The following SHROOM3 variants were observed in gnomAD, a reference collection of about 807,000 sequenced individuals.
SHROOM3 encodes protein Shroom3.
SHROOM3 carries 47 observed loss-of-function variants against 138.6 expected under a neutral mutation model. The observed-to-expected ratio is 0.34, with a 90% CI of 0.27 to 0.43. The LOEUF is 0.43. SHROOM3 is among the 20% of genes least tolerant of loss of function. SHROOM3 has a pLI of 1.00. For synonymous variants in SHROOM3, 1,062 were observed against 1,063.3 expected (o/e 1.00, Z 0.02); for missense variants, 2,491 against 2,596.5 (o/e 0.96, Z 0.88).
rs544503126 is a variant in SHROOM3, at chr4:76,781,321, G to T, written c.*2144G>T. The T allele has an allele frequency of 1.3e-5, 2 of 152,204 alleles. No homozygotes were observed. Among genetic ancestry groups the T allele is most frequent in the Non-Finnish European group, 2.9e-5 (2 of 68,030 alleles). 9.4% of individuals were successfully genotyped at this position (152,204 alleles called of 1,614,324 possible). On this transcript the variant is annotated 3_prime_UTR_variant, in exon 11 of 11. Coordinates refer to ENST00000296043, the MANE Select transcript of SHROOM3 (RefSeq NM_020859.4). ...TTTTTGATTTTTTATAGAGACGGGG[G>T]TCTCGCTATGTTGCCCAGGCTGGTT...
intron 2 of SHROOM3, among the ~76,000 whole-genome samples, chr4:76,562,023 CA>C (rs955274719): frequency 2.6e-4 from 39 of 151,490 alleles, no homozygotes; most frequent in African/African-American, 9.4e-4. Flanking sequence ...AAAAACAAAA[CA>C]AAAAAAACCC....
intron 1 of SHROOM3, among the ~76,000 whole-genome samples, chr4:76,547,932 A>AACACACACACGC (rs1733259251): frequency 6.8e-6 from 1 of 146,074 alleles, no homozygotes; most frequent in Non-Finnish European, 1.5e-5. Context: ...CCTGTCTCAA[A>AACACACACACGC]ACACACACAC....
intron 8 of SHROOM3, among the ~76,000 whole-genome samples, chr4:76,758,986 T>G (rs1468168691): frequency 6.6e-6 from 1 of 152,178 alleles, no homozygotes. Flanking sequence ...ATATCTTGTA[T>G]TAGTTCACTG....
At chr4:76,615,478 C>T (rs1209975027) in intron 2 of SHROOM3, among the ~76,000 whole-genome samples, 2 of 152,142 alleles carry the variant, frequency 1.3e-5, no homozygotes, top group African/African-American at 2.4e-5. Context: ...TGTGCCTCTC[C>T]CCATTTATCA....
intron 2 of SHROOM3, among the ~76,000 whole-genome samples, chr4:76,626,394 CA>C (rs555173910): frequency 9.9e-4 from 150 of 152,204 alleles, no homozygotes; most frequent in Non-Finnish European, 1.9e-3. Context: ...ACATTTCCAC[CA>C]AAAAGGCAGC....
chr4:76,528,950 C>T (rs1333274051), intron 1 of SHROOM3, among the ~76,000 whole-genome samples: 5 of 152,138 alleles, frequency 3.3e-5, no homozygotes, highest in Admixed American at 6.5e-5. Context: ...GCAACTGTGA[C>T]GTCTTCCTTG....
At chr4:76,537,334 G>T (rs1260588405) in intron 1 of SHROOM3, among the ~76,000 whole-genome samples, 2 of 152,158 alleles carry the variant, frequency 1.3e-5, no homozygotes, top group African/African-American at 4.8e-5. Flanking sequence ...ATCCAGAGGG[G>T]CAGAGTGTAT....
rs190892771 is a variant in SHROOM3 at position 76,754,417 on chromosome 4, G to A, written c.3934G>A (p.Val1312Ile). 1.3e-4 allele frequency: 215 copies of A among 1,614,074 alleles called. 2 individuals are homozygous for A. The Admixed American group carries it at 2.3e-3, about 17-fold the overall frequency. ...CTGCAAAGCCATTGGTGATTCCTCC[G>A]TTCCTAGTGAATGTCCTGGAACCCT... ...SGCKAIGDSS[V>I]PSECPGTLDH... The change falls in exon 7 of 11, where the codon GTT becomes ATT. Residue 1312 changes from valine (V) to isoleucine (I), a missense_variant. By Grantham distance (29) the Val-to-Ile change is conservative. Coordinates refer to ENST00000296043, the MANE Select transcript of SHROOM3 (RefSeq NM_020859.4).
chr4:76,572,868 G>T (rs1733859882), intron 2 of SHROOM3, among the ~76,000 whole-genome samples: 1 of 152,114 alleles, frequency 6.6e-6, no homozygotes, highest in Non-Finnish European at 1.5e-5. Flanking sequence ...ATCACTTGAG[G>T]TCAGGAGTTC....
chr4:76,644,285 CTTGT>C (rs1735759872), intron 2 of SHROOM3: 1 of 135,516 alleles, frequency 7.4e-6, no homozygotes, highest in Admixed American at 7.6e-5. Flanking sequence ...AGTTTTTGCT[CTTGT>C]TGCCCAGGCT....
At chr4:76,748,814 CTTTTTTTTTTTTTTTT>C (rs34047499) in intron 5 of SHROOM3, among the ~76,000 whole-genome samples, 187 bp from the exon 6 acceptor site, 1 of 100,574 alleles carries the variant, frequency 9.9e-6, no homozygotes, top group Non-Finnish European at 1.9e-5. Context: ...TCTGACTCTG[CTTTTTTTTTTTTTTTT>C]TTTTTTTAAA....
chr4:76,756,586 C>T lies in SHROOM3; in HGVS notation c.4847C>T (p.Ser1616Phe), dbSNP rs1560617214. The T allele has an allele frequency of 6.2e-7, 1 of 1,613,728 alleles. No homozygotes were observed. The highest frequency in any genetic ancestry group is 1.3e-5 in the African/African-American group (1 of 74,888). Residue 1616 changes from serine (S) to phenylalanine (F), a missense_variant, in exon 8 of 11, where the codon TCC (serine) becomes TTC (phenylalanine). Ser to Phe is a radical substitution (Grantham distance 155, BLOSUM62 -2). Around this residue, in one of 4 missense-constraint regions of SHROOM3, gnomAD observed 470 missense variants for 595.0 expected, o/e 0.79. Coordinates refer to ENST00000296043, the MANE Select transcript of SHROOM3 (RefSeq NM_020859.4). ...TCAGAGGCTGAGTCCACACCACCCT[C>T]CTTCATGAGCGTTCACGCCCAACTT... ...KGSEAESTPP[S>F]FMSVHAQLAG... is the part of the protein sequence containing the mutation.
chr4:76,681,474 A>G (rs1719189319), intron 2 of SHROOM3, among the ~76,000 whole-genome samples: 1 of 151,946 alleles, frequency 6.6e-6, no homozygotes, highest in African/African-American at 2.4e-5. Context: ...AAAACTGACC[A>G]TAATTTCTAT....
At chr4:76,497,855 C>G (rs1369222245) in intron 1 of SHROOM3, among the ~76,000 whole-genome samples, 1 of 152,028 alleles carries the variant, frequency 6.6e-6, no homozygotes, top group East Asian at 1.9e-4. Flanking sequence ...AAGACTCCGT[C>G]TCAAAAATAA....
intron 1 of SHROOM3, among the ~76,000 whole-genome samples, chr4:76,483,906 A>G (rs1180771075): frequency 6.7e-6 from 1 of 150,310 alleles, no homozygotes; most frequent in Non-Finnish European, 1.5e-5. Context: ...AAAACCAAAC[A>G]CTGCATGTTC....
intron 1 of SHROOM3, among the ~76,000 whole-genome samples, chr4:76,464,335 G>T (rs1045081481): frequency 1.3e-5 from 2 of 152,170 alleles, no homozygotes; most frequent in African/African-American, 4.8e-5. Flanking sequence ...CTTTGTTTTG[G>T]CCAATTTCTC....
At position 76,738,871 on chromosome 4, in the gene SHROOM3, C is replaced by T; in HGVS notation, c.698C>T (p.Pro233Leu). 1.2e-6 allele frequency: 2 copies of T among 1,614,254 alleles called. No individual in the cohort carries two copies. The highest frequency in any genetic ancestry group is 1.7e-5 in the Admixed American group (1 of 60,034). The change falls in exon 5 of 11, where the codon CCA (proline) becomes CTA (leucine). Residue 233 changes from proline (P) to leucine (L), a missense_variant. Physicochemically the swap from Pro to Leu is moderately conservative, Grantham distance 98 (BLOSUM62 -3). This residue lies in a region of SHROOM3 where 284 missense variants were observed against 322.8 expected (regional missense o/e 0.88). Coordinates refer to ENST00000296043, the MANE Select transcript of SHROOM3 (RefSeq NM_020859.4). ...AGCCTGGAGCCCAGTGGGGCATACC[C>T]ACCCTGTCATCTTTCCCCTGCCAAG... The part of the protein sequence containing the change: ...MESLEPSGAY[P>L]PCHLSPAKST...
intron 2 of SHROOM3, among the ~76,000 whole-genome samples, chr4:76,600,391 G>A (rs939428425): frequency 3.9e-5 from 6 of 152,090 alleles, no homozygotes; most frequent in Non-Finnish European, 5.9e-5. Flanking sequence ...GGACAGAGAA[G>A]CATACCATTA....
At chr4:76,469,078 T>C (rs1731311229) in intron 1 of SHROOM3, among the ~76,000 whole-genome samples, 1 of 151,304 alleles carries the variant, frequency 6.6e-6, no homozygotes, top group South Asian at 2.1e-4. Flanking sequence ...GGTGTACACT[T>C]GTAATTCCAG....
Sources: allele counts gnomAD v4.1 joint callset (sites outside exome capture counted in the v4.1 genomes callset), GRCh38; gene constraint gnomAD v4.1.1; regional missense constraint gnomAD v4.1.1; transcripts MANE v1.5; gene names NCBI Gene and HGNC (gene_info 2026-07-23, HGNC 2026-07-21).